Variants in CDIN1 observed in about 807,000 individuals in gnomAD.
CDIN1 encodes CDAN1 interacting nuclease 1.
In CDIN1, 33 loss-of-function variants were observed where a neutral mutation model predicts 45.3. That is an observed-to-expected ratio of 0.73 (90% confidence interval 0.55 to 0.97). The LOEUF (loss-of-function observed/expected upper bound fraction) is 0.97, where lower values mean the gene tolerates loss of function less well. Ranked by LOEUF, CDIN1 falls within the 50% of genes least tolerant of loss-of-function variation. CDIN1 has a pLI of 0.00. For missense variants in CDIN1, 303 were observed against 339.4 expected, an observed-to-expected ratio of 0.89 and a Z score of 0.84; for synonymous variants, 118 against 124.4, an observed-to-expected ratio of 0.95 and a Z score of 0.34.
At chr15:36,786,195 G>A (rs981569484) in intron 10 of CDIN1, among the ~76,000 whole-genome samples, 9 of 152,184 alleles carry the variant, frequency 5.9e-5, no homozygotes, top group South Asian at 2.1e-4. Flanking sequence ...AAAGCTGTAA[G>A]GCTGAAAATA....
intron 4 of CDIN1, among the ~76,000 whole-genome samples, chr15:36,656,049 G>A (rs891741075): frequency 5.9e-5 from 9 of 152,074 alleles, no homozygotes; most frequent in East Asian, 5.8e-4. Flanking sequence ...CTTTTCCTCC[G>A]TTTTGGCTAC....
rs563882761 is a variant in CDIN1 at position 36,643,566 on chromosome 15, C to G, written c.102-712C>G. Among the ~76,000 whole-genome samples, 25 of 152,300 alleles carry G rather than the reference C, an allele frequency of 1.6e-4. No individual in the cohort carries two copies. The East Asian group carries it at 4.6e-3, about 28-fold the overall frequency. On this transcript the variant is annotated intron_variant, in intron 1 of 10. Coordinates refer to ENST00000566621, the MANE Select transcript of CDIN1 (RefSeq NM_001321759.2). The stretch of plus-strand genomic sequence containing the variant: ...TTGCTTTTTAGAGAAAGAAAAATTC[C>G]ATTCCACTTCTAAATGTTAACAATT...
chr15:36,669,339 G>GT (rs1032593695), intron 5 of CDIN1, among the ~76,000 whole-genome samples: 1 of 152,064 alleles, frequency 6.6e-6, no homozygotes, highest in African/African-American at 2.4e-5. Context: ...AGGGGTTGAT[G>GT]TTTTTAGTGG....
intron 10 of CDIN1, among the ~76,000 whole-genome samples, chr15:36,745,618 T>C (rs1186462476): frequency 6.6e-6 from 1 of 152,152 alleles, no homozygotes; most frequent in Non-Finnish European, 1.5e-5. Context: ...TTAGATACTC[T>C]TAGGGTGTAA....
At chr15:36,741,696 T>G (rs149537546) in intron 10 of CDIN1, among the ~76,000 whole-genome samples, 1 of 152,000 alleles carries the variant, frequency 6.6e-6, no homozygotes, top group Non-Finnish European at 1.5e-5. Context: ...GTAGAAGGGC[T>G]TCTTCTTCCT....
Position 36,623,439 on chromosome 15 carries a change from A to T in CDIN1, c.102-20839A>T, listed in dbSNP as rs999361270. 6.6e-5 allele frequency among the ~76,000 whole-genome samples: 10 copies of T among 152,334 alleles called. No homozygotes were observed. In the East Asian group the frequency reaches 1.5e-3, roughly 24 times the overall value. On this transcript the variant is annotated intron_variant, in intron 1 of 10. Coordinates refer to ENST00000566621, the MANE Select transcript of CDIN1 (RefSeq NM_001321759.2). ...ATTTACAGCCAGTAGTTGCATGTTAACTTTATCGAATGATGAACTCAGATC... is the reference window on the plus strand; with the variant it reads ...ATTTACAGCCAGTAGTTGCATGTTATCTTTATCGAATGATGAACTCAGATC...
intron 3 of CDIN1, among the ~76,000 whole-genome samples, chr15:36,653,158 A>G (rs1305144857): frequency 6.6e-6 from 1 of 152,162 alleles, no homozygotes; most frequent in East Asian, 1.9e-4. Flanking sequence ...GGCAAATACA[A>G]TATGCTACGT....
At chr15:36,674,782 T>A (rs1009062146) in intron 5 of CDIN1, among the ~76,000 whole-genome samples, 2 of 152,118 alleles carry the variant, frequency 1.3e-5, no homozygotes, top group African/African-American at 4.8e-5. Flanking sequence ...TGTGGCCTCA[T>A]ATTTCCCAGT....
intron 1 of CDIN1, among the ~76,000 whole-genome samples, chr15:36,596,769 C>A (rs910215167): frequency 6.6e-6 from 1 of 151,052 alleles, no homozygotes; most frequent in Non-Finnish European, 1.5e-5. Flanking sequence ...CACTATAAAC[C>A]CCTCTTTAAA....
intron 5 of CDIN1, among the ~76,000 whole-genome samples, chr15:36,664,014 G>A (rs2041133639): frequency 6.6e-6 from 1 of 152,286 alleles, no homozygotes; most frequent in South Asian, 2.1e-4. Flanking sequence ...CTGAACTACG[G>A]TTTACAATGA....
chr15:36,705,155 A>T (rs981013979), intron 8 of CDIN1: 3 of 152,226 alleles, frequency 2.0e-5, no homozygotes, highest in African/African-American at 7.2e-5. Context: ...AGTCCTGACA[A>T]CTTAAAAATG....
chr15:36,619,139 A>G (rs1595752808), intron 1 of CDIN1: 2 of 1,123,376 alleles, frequency 1.8e-6, no homozygotes, highest in East Asian at 2.3e-5. Context: ...TTCTGAGGCC[A>G]TACCATTCCC....
intron 1 of CDIN1, among the ~76,000 whole-genome samples, chr15:36,588,841 AG>A (rs1476207178): frequency 6.6e-6 from 1 of 152,180 alleles, no homozygotes; most frequent in Non-Finnish European, 1.5e-5. Context: ...TAGCTGCGAA[AG>A]GGATATGAGC....
intron 10 of CDIN1, among the ~76,000 whole-genome samples, chr15:36,715,733 C>T (rs1340090774): frequency 6.6e-6 from 1 of 152,158 alleles, no homozygotes; most frequent in East Asian, 1.9e-4. Flanking sequence ...TTTTCTATCT[C>T]TTAAAATTGA....
chr15:36,662,861 T>TG (rs2041074545), intron 5 of CDIN1, among the ~76,000 whole-genome samples: 2 of 149,992 alleles, frequency 1.3e-5, no homozygotes, highest in Admixed American at 6.6e-5. Flanking sequence ...TTAGTTTTTT[T>TG]TTTTTTTTTT....
chr15:36,593,904 C>G (rs1308898610), intron 1 of CDIN1, among the ~76,000 whole-genome samples: 1 of 152,160 alleles, frequency 6.6e-6, no homozygotes, highest in African/African-American at 2.4e-5. Context: ...ATTCATCATA[C>G]TAACATACTG....
chr15:36,679,124 C>T (rs1200467015), intron 5 of CDIN1, among the ~76,000 whole-genome samples: 1 of 152,072 alleles, frequency 6.6e-6, no homozygotes, highest in Non-Finnish European at 1.5e-5. Flanking sequence ...TTTTCAAGCC[C>T]ACTTTTAGTA....
At chr15:36,784,544 C>T (rs963458029) in intron 10 of CDIN1, among the ~76,000 whole-genome samples, 1 of 152,216 alleles carries the variant, frequency 6.6e-6, no homozygotes, top group Non-Finnish European at 1.5e-5. Context: ...AATCTGTCTG[C>T]TGAAAATTTT....
At chr15:36,616,342 G>A (rs1447715276) in intron 1 of CDIN1, among the ~76,000 whole-genome samples, 1 of 151,668 alleles carries the variant, frequency 6.6e-6, no homozygotes, top group Non-Finnish European at 1.5e-5. Flanking sequence ...GAGTGCAATG[G>A]CACAATCTCT....
Sources: gnomAD v4.1 joint callset for allele counts (sites outside exome capture counted in the v4.1 genomes callset) on GRCh38, gnomAD v4.1.1 for gene constraint, MANE v1.5 for transcripts, NCBI Gene and HGNC (gene_info 2026-07-23, HGNC 2026-07-21) for gene names.